Variants in CALN1 observed in about 807,000 individuals in gnomAD.
CALN1 encodes calcium-binding protein 8.
CALN1 carries 17 observed loss-of-function variants against 30.6 expected under a neutral mutation model. The ratio of observed to expected loss-of-function variants is 0.56; its 90% CI spans 0.38 to 0.83. The LOEUF (loss-of-function observed/expected upper bound fraction) is 0.83, where lower values mean the gene tolerates loss of function less well. Among genes scored for constraint, CALN1 ranks in the 40% least tolerant of loss-of-function variants. The pLI is 0.00. For synonymous variants in CALN1, 156 were observed against 131.4 expected (o/e 1.19, Z -1.28); for missense variants, 291 against 354.9 (o/e 0.82, Z 1.45).
intron 2 of CALN1, among the ~76,000 whole-genome samples, chr7:72,289,941 AG>A (rs1408846216): frequency 6.6e-6 from 1 of 151,808 alleles, no homozygotes; most frequent in Non-Finnish European, 1.5e-5. Context: ...AGCCGGGCAT[AG>A]TGGTATGTGC....
At chr7:72,462,979 G>T in the CALN1 span, among the ~76,000 whole-genome samples, 156 of 152,276 alleles carry the variant, frequency 1.0e-3, no homozygotes, top group African/African-American at 3.5e-3. Context: ...ACAATCATGC[G>T]TACTGTTCAG....
intron 3 of CALN1, among the ~76,000 whole-genome samples, chr7:72,172,725 T>C (rs1361350514): frequency 6.6e-6 from 1 of 152,232 alleles, no homozygotes; most frequent in Non-Finnish European, 1.5e-5. Context: ...AAAAAAATAC[T>C]TGACAAAATT....
rs145448300 is a variant in CALN1, at chr7:71,903,199, A to G, written c.502-92707T>C. ...TATAATAAAATATTTAAAAAGGGCT[A>G]ACTTAAATGAGAAACCATTTTTTGA... On this transcript the variant is annotated intron_variant, in intron 5 of 6. Coordinates refer to ENST00000395275, the MANE Select transcript of CALN1 (RefSeq NM_031468.4). Among the ~76,000 whole-genome samples the G allele has an allele frequency of 1.8e-4, 27 of 152,272 alleles. 1 individual carries two copies. The highest frequency in any genetic ancestry group is 3.1e-4 in the Non-Finnish European group (21 of 68,010).
intron 4 of CALN1, among the ~76,000 whole-genome samples, chr7:72,095,580 T>C (rs956868569): frequency 2.6e-5 from 4 of 152,188 alleles, no homozygotes; most frequent in Non-Finnish European, 5.9e-5. Context: ...CTCCAGGCAC[T>C]GAGCTCCCTG....
rs147366575 is a variant in CALN1 at position 71,888,393 on chromosome 7, T to C, written c.502-77901A>G. On this transcript the variant is annotated intron_variant, in intron 5 of 6. Transcript: ENST00000395275. The stretch of plus-strand genomic sequence containing the variant: ...TGACTTGTGCACTAAAAGTGGGCGA[T>C]TGTATGGTTTGTGGATTGTATCTCC... Among the ~76,000 whole-genome samples, 249 of 150,236 alleles carry C rather than the reference T, an allele frequency of 1.7e-3. 1 individual carries two copies. The highest frequency in any genetic ancestry group is 5.9e-3 in the African/African-American group (239 of 40,702).
chr7:72,233,919 G>A (rs184571614), intron 3 of CALN1, among the ~76,000 whole-genome samples: 30 of 152,148 alleles, frequency 2.0e-4, no homozygotes, highest in African/African-American at 6.3e-4. Flanking sequence ...CAGGAGAATC[G>A]CTTGAGCCTG....
Position 72,218,175 on chromosome 7 carries a change from G to A in CALN1, c.244+60511C>T, listed in dbSNP as rs115730700. 7.9e-5 allele frequency among the ~76,000 whole-genome samples: 12 copies of A among 151,854 alleles called. No individual in the cohort carries two copies. In the South Asian group the frequency reaches 2.3e-3, roughly 29 times the overall value. On this transcript the variant is annotated intron_variant, in intron 3 of 6. Transcript: ENST00000395275. ...TTTTAAATAACTGTGCAGGCCAGGC[G>A]CAGTGGCTCATGCTTGCAATGCCAG... is the stretch of plus-strand genomic sequence containing the variant.
intron 5 of CALN1, among the ~76,000 whole-genome samples, chr7:71,840,485 TAAAAAAAAAAAA>T (rs61579583): frequency 9.9e-6 from 1 of 101,344 alleles, no homozygotes; most frequent in African/African-American, 4.1e-5. Flanking sequence ...ATGCTCTCTT[TAAAAAAAAAAAA>T]AAAAAAAAAA....
intron 4 of CALN1, among the ~76,000 whole-genome samples, chr7:72,088,114 G>A (rs1374160638): frequency 6.6e-6 from 1 of 152,132 alleles, no homozygotes; most frequent in African/African-American, 2.4e-5. Context: ...GTTACAGTGA[G>A]CTTTGATTGC....
intron 2 of CALN1, among the ~76,000 whole-genome samples, chr7:72,333,046 C>T (rs1334968127): frequency 6.6e-6 from 1 of 152,238 alleles, no homozygotes; most frequent in Non-Finnish European, 1.5e-5. Flanking sequence ...CTGTCTCAAC[C>T]TTTAAGCACC....
chr7:72,054,016 T>G (rs942314084), intron 4 of CALN1, among the ~76,000 whole-genome samples: 1 of 152,178 alleles, frequency 6.6e-6, no homozygotes, highest in African/African-American at 2.4e-5. Context: ...TATAGATATA[T>G]ACCACAATTT....
At chr7:72,237,336 C>G (rs1794536982) in intron 3 of CALN1, among the ~76,000 whole-genome samples, 1 of 152,132 alleles carries the variant, frequency 6.6e-6, no homozygotes, top group Non-Finnish European at 1.5e-5. Flanking sequence ...TTTGAGGCAT[C>G]ACTAAACTGC....
Position 72,287,858 on chromosome 7 carries a change from G to C in CALN1, c.120-9048C>G, listed in dbSNP as rs551810824. 2.6e-5 allele frequency among the ~76,000 whole-genome samples: 4 copies of C among 152,104 alleles called. No individual in the cohort carries two copies. The South Asian group carries it at 6.2e-4, about 24-fold the overall frequency. On this transcript the variant is annotated intron_variant, in intron 2 of 6. Coordinates refer to ENST00000395275, the MANE Select transcript of CALN1 (RefSeq NM_031468.4). ...TGTGTCTCTTCATATATATTTGCAG[G>C]AATTTCTCTGAACTGCATATCTAGA...
At chr7:71,999,781 G>C (rs1364497672) in intron 5 of CALN1, among the ~76,000 whole-genome samples, 3 of 152,096 alleles carry the variant, frequency 2.0e-5, no homozygotes, top group Non-Finnish European at 4.4e-5. Context: ...CCAAAGTGCT[G>C]AGATTACAGG....
intron 6 of CALN1, among the ~76,000 whole-genome samples, chr7:71,806,036 T>C (rs182028072): frequency 2.6e-3 from 403 of 152,164 alleles, no homozygotes; most frequent in Non-Finnish European, 4.4e-3. Flanking sequence ...AGCTGAACAA[T>C]GAGAACACAT....
chr7:72,374,457 G>T (rs1430654051), intron 2 of CALN1, among the ~76,000 whole-genome samples: 11 of 151,230 alleles, frequency 7.3e-5, no homozygotes, highest in Non-Finnish European at 4.4e-5. Context: ...TGAACCTGGG[G>T]GAGGCAGAGG....
intron 2 of CALN1, among the ~76,000 whole-genome samples, chr7:72,369,233 C>T (rs1170811950): frequency 1.3e-5 from 2 of 150,604 alleles, no homozygotes; most frequent in South Asian, 2.1e-4. Flanking sequence ...GTGAAACCAT[C>T]GCCACAATCA....
At chr7:71,789,113 T>G (rs533713361) in intron 6 of CALN1, among the ~76,000 whole-genome samples, 1 of 151,942 alleles carries the variant, frequency 6.6e-6, no homozygotes, top group Non-Finnish European at 1.5e-5. Context: ...ACTGGGAGGT[T>G]TTTGAAAATG....
At chr7:72,180,012 C>T (rs1191054441) in intron 3 of CALN1, among the ~76,000 whole-genome samples, 1 of 152,188 alleles carries the variant, frequency 6.6e-6, no homozygotes, top group Non-Finnish European at 1.5e-5. Flanking sequence ...CATCAGGATA[C>T]AAACAAGGCA....
Sources: gnomAD v4.1 joint callset for allele counts (sites outside exome capture counted in the v4.1 genomes callset) on GRCh38, gnomAD v4.1.1 for gene constraint, MANE v1.5 for transcripts, NCBI Gene and HGNC (gene_info 2026-07-23, HGNC 2026-07-21) for gene names.